COPA: variants seen among roughly 807,000 people sequenced by gnomAD.
The protein encoded by COPA is coatomer subunit alpha.
In COPA, 10 loss-of-function variants were observed where a neutral mutation model predicts 158.7. The observed-to-expected ratio is 0.06, with a 90% CI of 0.04 to 0.11. COPA has a LOEUF of 0.11. Ranked by LOEUF, COPA falls within the 10% of genes least tolerant of loss-of-function variation. The probability of loss-of-function intolerance (pLI) is 1.00; values close to 1 mark genes in which losing one functional copy is unlikely to be tolerated. For synonymous variants in COPA, 462 were observed against 542.8 expected (o/e 0.85, Z 2.07); for missense variants, 1,065 against 1,536.7 (o/e 0.69, Z 5.13).
At chr1:160,303,623 G>A (rs1658687455) in intron 17 of COPA, among the ~76,000 whole-genome samples, 1 of 152,084 alleles carries the variant, frequency 6.6e-6, no homozygotes, top group African/African-American at 2.4e-5. Context: ...TGATTTGGGA[G>A]TCAATAAATA....
In COPA at chr1:160,305,688, C is replaced by G; in HGVS notation, c.1528G>C (p.Ala510Pro). The stretch of plus-strand genomic sequence containing the variant: ...CAGGGTGGATATAATGAAGACTCAC[C>G]GTGTTTGGCTAGTAGTGCTACATGT... ...MSHVALLAKH[A>P]IVICNRKLDA... Residue 510 changes from alanine (A) to proline (P), a missense_variant and splice_region_variant, in exon 16 of 33, where the codon GCC (alanine) becomes CCC (proline). Coordinates refer to ENST00000241704, the MANE Select transcript of COPA (RefSeq NM_004371.4). 6.2e-7 allele frequency: 1 copy of G among 1,614,070 alleles called. No homozygotes were observed. The highest frequency in any genetic ancestry group is 1.1e-5 in the South Asian group (1 of 91,074).
At chr1:160,338,784 C>T (rs561125746) in intron 3 of COPA, among the ~76,000 whole-genome samples, 9 of 152,290 alleles carry the variant, frequency 5.9e-5, no homozygotes, top group Admixed American at 1.3e-4. Context: ...TCGAACCCCT[C>T]GAATCACTGT....
In COPA at chr1:160,294,762, T is replaced by C. The variant is rs182598190; in HGVS notation, c.2566+6A>G. The C allele has an allele frequency of 6.9e-5, 112 of 1,614,042 alleles. 2 individuals carry two copies. In the East Asian group the frequency reaches 2.5e-3, roughly 35 times the overall value. On this transcript the variant is annotated splice_donor_region_variant and intron_variant, in intron 24 of 32. Transcript: ENST00000241704. ...CCCCAGAACAGTCTTAAAACAGCAC[T>C]TTTACCTTCATCCAACTGCAGCTCT... is the stretch of plus-strand genomic sequence containing the variant.
chr1:160,316,794 G>C (rs1332973510), intron 8 of COPA, among the ~76,000 whole-genome samples: 1 of 150,738 alleles, frequency 6.6e-6, no homozygotes, highest in African/African-American at 2.4e-5. Flanking sequence ...AGGGAGCTAA[G>C]CAAGAGCAAG....
rs557013918 is a variant in COPA at position 160,292,214 on chromosome 1, T to A, written c.2961-16A>T. The stretch of plus-strand genomic sequence containing the variant: ...TGCATCCTTCCTGGAAAGGGAAAAG[T>A]AGGAAGAAGACAGGATAGTCAGTAG... On this transcript the variant is annotated splice_polypyrimidine_tract_variant and intron_variant, in intron 28 of 32. Transcript: ENST00000241704. 2 of 1,607,102 alleles carry A rather than the reference T, an allele frequency of 1.2e-6. No individual in the cohort carries two copies. Among genetic ancestry groups the A allele is most frequent in the African/African-American group, 2.7e-5 (2 of 74,814 alleles).
intron 13 of COPA, among the ~76,000 whole-genome samples, chr1:160,308,708 G>A (rs377404389): frequency 7.9e-5 from 12 of 152,300 alleles, no homozygotes; most frequent in Admixed American, 2.0e-4. Context: ...GAAGCAAATC[G>A]GATCTGGATG....
At chr1:160,315,723 C>A (rs530360177) in intron 8 of COPA, among the ~76,000 whole-genome samples, 1 of 152,234 alleles carries the variant, frequency 6.6e-6, no homozygotes, top group East Asian at 1.9e-4. Flanking sequence ...TAGGTGTATA[C>A]CCAAAATAAA....
chr1:160,293,302 T>C (rs981945620), intron 26 of COPA, 68 bp from the exon 27 acceptor site: 8 of 1,610,156 alleles, frequency 5.0e-6, no homozygotes, highest in South Asian at 1.1e-5. Flanking sequence ...TCTGTAACTA[T>C]AGTAGAAAAG....
In COPA at chr1:160,306,377, T is replaced by C; in HGVS notation, c.1419A>G (p.Thr473=). 6.2e-7 allele frequency: 1 copy of C among 1,611,226 alleles called. No homozygotes were observed. The highest frequency in any genetic ancestry group is 8.5e-7 in the Non-Finnish European group (1 of 1,178,542). ...NLLLRDADSI[T]LFDVQQKRTL... is the part of the protein sequence containing the mutation. ...ACCGCTTCTGCTGTACGTCAAAGAG[T>C]GTGATAGAGTCCGCATCTCGAAGCA... Residue 473 remains threonine, a synonymous_variant, in exon 15 of 33, where the codon ACA becomes ACG. Transcript: ENST00000241704.
rs143015618 is a variant in COPA at position 160,323,272 on chromosome 1, T to C, written c.706+159A>G. ...ACTGTACACATAAAAATTGTAAAGA[T>C]GATATATTTTATTTGTAAAATAATT... On this transcript the variant is annotated intron_variant, in intron 8 of 32. Coordinates refer to ENST00000241704, the MANE Select transcript of COPA (RefSeq NM_004371.4). Among the ~76,000 whole-genome samples the C allele has an allele frequency of 8.5e-5, 13 of 152,336 alleles. No individual in the cohort carries two copies. In the East Asian group the frequency reaches 2.3e-3, roughly 27 times the overall value.
chr1:160,316,359 A>G (rs79625620), intron 8 of COPA, among the ~76,000 whole-genome samples: 1 of 151,056 alleles, frequency 6.6e-6, no homozygotes, highest in Non-Finnish European at 1.5e-5. Flanking sequence ...CCCTGTCTTG[A>G]AAAAAAAAGA....
In COPA at chr1:160,288,760, A is replaced by G. The variant is rs1414417318; in HGVS notation, c.*1397T>C. Among the ~76,000 whole-genome samples the G allele has an allele frequency of 1.3e-5, 2 of 152,218 alleles. No individual in the cohort carries two copies. Among genetic ancestry groups the G allele is most frequent in the African/African-American group, 4.8e-5 (2 of 41,458 alleles). On this transcript the variant is annotated 3_prime_UTR_variant, in exon 33 of 33. Coordinates refer to ENST00000241704, the MANE Select transcript of COPA (RefSeq NM_004371.4). ...AATGTAATCATTGTATCATTGTAAT[A>G]TATATAAAGTACTATTCTTTTATCT...
At chr1:160,305,128 T>G (rs1410836789) in intron 17 of COPA, 1 of 214,784 alleles carries the variant, frequency 4.7e-6, no homozygotes, top group African/African-American at 2.3e-5. Context: ...TGTGACCACG[T>G]GGCAAAGGGC....
intron 3 of COPA, among the ~76,000 whole-genome samples, chr1:160,338,694 C>G (rs1233575501): frequency 6.6e-6 from 1 of 152,146 alleles, no homozygotes; most frequent in African/African-American, 2.4e-5. Flanking sequence ...CAATCTTGAT[C>G]TTATTCTGAA....
In COPA at chr1:160,327,244, T is replaced by A. The variant is rs1274147087; in HGVS notation, c.497-1592A>T. Among the ~76,000 whole-genome samples the A allele has an allele frequency of 3.3e-5, 5 of 152,232 alleles. No individual in the cohort carries two copies. The East Asian group carries it at 5.8e-4, about 18-fold the overall frequency. On this transcript the variant is annotated intron_variant, in intron 6 of 32. Coordinates refer to ENST00000241704, the MANE Select transcript of COPA (RefSeq NM_004371.4). ...GGAAAATAAAAACTCTCATTGAAAA[T>A]AAAACCTAAAGGCTGGGCGCAGTGG...
At chr1:160,313,055 CA>C in intron 10 of COPA, 29 bp downstream of exon 10, 1 of 1,592,344 alleles carries the variant, frequency 6.3e-7, no homozygotes, top group Admixed American at 1.7e-5. Flanking sequence ...TTGAATTAAG[CA>C]AAGAAAAAAG....
At chr1:160,314,154 C>A in intron 8 of COPA, 29 bp from the exon 9 acceptor site, 1 of 1,601,858 alleles carries the variant, frequency 6.2e-7, no homozygotes, top group Non-Finnish European at 8.5e-7. Context: ...TAGGTCATCA[C>A]AATTCCCTAC....
intron 6 of COPA, among the ~76,000 whole-genome samples, chr1:160,329,988 C>G (rs140427109): frequency 0.047 from 7,122 of 151,946 alleles, 528 homozygotes; most frequent in African/African-American, 0.16. Flanking sequence ...GGTGGCATGC[C>G]CTTGTAGTCC....
intron 19 of COPA, among the ~76,000 whole-genome samples, chr1:160,298,194 A>G (rs1439181241): frequency 2.6e-5 from 4 of 152,128 alleles, no homozygotes; most frequent in African/African-American, 4.8e-5. Flanking sequence ...AAAAAAGAAA[A>G]AAAAAAAAAG....
Sources: gnomAD v4.1 joint callset for allele counts (sites outside exome capture counted in the v4.1 genomes callset) on GRCh38, gnomAD v4.1.1 for gene constraint, MANE v1.5 for transcripts, NCBI Gene and HGNC (gene_info 2026-07-23, HGNC 2026-07-21) for gene names.